TADA2A: variants seen among roughly 807,000 people sequenced by gnomAD.
The protein encoded by TADA2A is transcriptional adapter 2-alpha.
A neutral mutation model predicts 67.4 loss-of-function variants in TADA2A; 38 were observed. The observed-to-expected ratio is 0.56, with a 90% confidence interval of 0.44 to 0.74. The LOEUF is 0.74. Ranked by LOEUF, TADA2A falls within the 30% of genes least tolerant of loss-of-function variation. The pLI, the probability that TADA2A is intolerant of heterozygous loss-of-function variation, is 0.00. For missense variants in TADA2A, 454 were observed against 547.0 expected (o/e 0.83, Z 1.70); for synonymous variants, 192 against 181.6 (o/e 1.06, Z -0.46).
chr17:37,413,834 G>A (rs907276254), intron 2 of TADA2A, among the ~76,000 whole-genome samples: 29 of 151,838 alleles, frequency 1.9e-4, no homozygotes, highest in Non-Finnish European at 4.1e-4. Context: ...GGGTACATGT[G>A]CAGGGTTGTT....
chr17:37,423,717 A>G, intron 3 of TADA2A, 102 bp downstream of exon 3: 1 of 793,204 alleles, frequency 1.3e-6, no homozygotes, highest in East Asian at 2.7e-5. Context: ...TCTATGTCTT[A>G]TTAAATCTAT....
chr17:37,417,109 A>G (rs955777007), intron 2 of TADA2A, among the ~76,000 whole-genome samples: 2 of 151,096 alleles, frequency 1.3e-5, no homozygotes, highest in Non-Finnish European at 3.0e-5. Flanking sequence ...ACCGGGCACA[A>G]TGGCTCACGA....
At chr17:37,445,058 G>A (rs1011326455) in intron 8 of TADA2A, among the ~76,000 whole-genome samples, 1 of 152,120 alleles carries the variant, frequency 6.6e-6, no homozygotes, top group South Asian at 2.1e-4. Context: ...TGGTTAAATG[G>A]CCCTCACTTG....
rs1036912595 is a variant in TADA2A, at chr17:37,441,494, G to A, written c.442+832G>A. On this transcript the variant is annotated intron_variant, in intron 6 of 15. Transcript: ENST00000615182. ...ATCTCATGTGCGTGTGGGACCAGTGGGTCTCTTAATAAAATATAACCAAAA... is the reference window on the plus strand; with the variant it reads ...ATCTCATGTGCGTGTGGGACCAGTGAGTCTCTTAATAAAATATAACCAAAA... Among the ~76,000 whole-genome samples the A allele has an allele frequency of 1.3e-5, 2 of 151,782 alleles. 1 individual carries two copies. The highest frequency in any genetic ancestry group is 4.8e-5 in the African/African-American group (2 of 41,288).
At chr17:37,424,900 C>T (rs558864734) in intron 3 of TADA2A, among the ~76,000 whole-genome samples, 14 of 149,784 alleles carry the variant, frequency 9.3e-5, no homozygotes, top group African/African-American at 3.4e-4. Flanking sequence ...CTTGCTCTAT[C>T]ACCCAGGCTG....
chr17:37,435,713 G>A (rs1388721929), intron 4 of TADA2A, among the ~76,000 whole-genome samples: 2 of 152,102 alleles, frequency 1.3e-5, no homozygotes, highest in African/African-American at 4.8e-5. Context: ...CCAAGTAGCT[G>A]GAACCACAGG....
chr17:37,448,580 C>T (rs2053146537), intron 8 of TADA2A, among the ~76,000 whole-genome samples: 1 of 152,116 alleles, frequency 6.6e-6, no homozygotes, highest in Non-Finnish European at 1.5e-5. Flanking sequence ...TTCTTGCTGC[C>T]ATCTCTTTCC....
chr17:37,417,861 TAATG>T (rs1279675131), intron 2 of TADA2A, among the ~76,000 whole-genome samples: 1 of 152,122 alleles, frequency 6.6e-6, no homozygotes, highest in Non-Finnish European at 1.5e-5. Context: ...TTAAAAATAA[TAATG>T]CTCTAACTAT....
At chr17:37,462,151 A>G (rs1220720246) in intron 10 of TADA2A, 30 bp downstream of exon 10, 16 of 1,428,292 alleles carry the variant, frequency 1.1e-5, no homozygotes, top group Admixed American at 2.0e-5. Context: ...TTTATTTTAC[A>G]ATTTTTTTCC....
At chr17:37,415,132 T>C (rs975338715) in intron 2 of TADA2A, among the ~76,000 whole-genome samples, 3 of 152,010 alleles carry the variant, frequency 2.0e-5, no homozygotes, top group Admixed American at 2.0e-4. Context: ...TCCACCCGCC[T>C]TGGCCTCCCA....
intron 4 of TADA2A, among the ~76,000 whole-genome samples, chr17:37,435,584 G>A (rs529347516): frequency 5.4e-4 from 82 of 152,038 alleles, no homozygotes; most frequent in African/African-American, 1.9e-3. Context: ...CACTGTGCCC[G>A]GCCTGTTTTT....
At chr17:37,438,993 A>G (rs932861358) in intron 5 of TADA2A, among the ~76,000 whole-genome samples, 1 of 152,224 alleles carries the variant, frequency 6.6e-6, no homozygotes. Context: ...AAGTGATTGA[A>G]GTACACAAAA....
intron 3 of TADA2A, among the ~76,000 whole-genome samples, chr17:37,424,539 T>A (rs939985657): frequency 6.6e-6 from 1 of 151,932 alleles, no homozygotes; most frequent in African/African-American, 2.4e-5. Context: ...ACCCTAATAG[T>A]TAACACTGTT....
chr17:37,438,157 A>G (rs1000384335), intron 5 of TADA2A: 1 of 189,368 alleles, frequency 5.3e-6, no homozygotes, highest in African/African-American at 2.3e-5. Context: ...GATTTTATGA[A>G]TTTTTGTTAG....
chr17:37,448,400 C>A (rs2053140604), intron 8 of TADA2A, among the ~76,000 whole-genome samples: 1 of 152,046 alleles, frequency 6.6e-6, no homozygotes, highest in South Asian at 2.1e-4. Context: ...GAAGCAGTAT[C>A]CAAGGAAAAA....
intron 1 of TADA2A, among the ~76,000 whole-genome samples, chr17:37,409,865 A>G (rs902655973): frequency 1.3e-5 from 2 of 152,108 alleles, no homozygotes; most frequent in Non-Finnish European, 2.9e-5. Flanking sequence ...TGCTTCAAAG[A>G]AGATACTTTG....
At chr17:37,454,901 G>T in intron 8 of TADA2A, 1 of 218,526 alleles carries the variant, frequency 4.6e-6, no homozygotes. Context: ...GGTGAAGCCT[G>T]TGAAAGTGTC....
intron 10 of TADA2A, among the ~76,000 whole-genome samples, chr17:37,462,589 G>A (rs1263982811): frequency 2.0e-5 from 3 of 152,150 alleles, no homozygotes; most frequent in African/African-American, 4.8e-5. Flanking sequence ...CCGAGATCAC[G>A]CCAGTGCACT....
intron 8 of TADA2A, among the ~76,000 whole-genome samples, chr17:37,445,380 C>T (rs1316096365): frequency 1.3e-5 from 2 of 152,302 alleles, no homozygotes; most frequent in African/African-American, 2.4e-5. Context: ...ATTCTCCTGC[C>T]TCAGCCTCCC....
Sources: allele counts gnomAD v4.1 joint callset (sites outside exome capture counted in the v4.1 genomes callset), GRCh38; gene constraint gnomAD v4.1.1; transcripts MANE v1.5; gene names NCBI Gene and HGNC (gene_info 2026-07-23, HGNC 2026-07-21).